The following GALNT6 variants were observed in gnomAD, a reference collection of about 807,000 sequenced individuals.
The protein encoded by GALNT6 is polypeptide N-acetylgalactosaminyltransferase 6, also known as GalNAc transferase 6.
In GALNT6, 51 loss-of-function variants were observed where a neutral mutation model predicts 65.9. The ratio of observed to expected loss-of-function variants is 0.77; its 90% CI spans 0.62 to 0.98. The LOEUF (loss-of-function observed/expected upper bound fraction) is 0.98. Ranked by LOEUF, GALNT6 falls within the 50% of genes least tolerant of loss-of-function variation. The pLI, the probability that GALNT6 is intolerant of heterozygous loss-of-function variation, is 0.00. For synonymous variants in GALNT6, 323 were observed against 315.1 expected (o/e 1.02, Z -0.26); for missense variants, 708 against 803.3 (o/e 0.88, Z 1.43).
intron 11 of GALNT6, 27 bp downstream of exon 11, chr12:51,355,779 T>A: frequency 6.2e-7 from 1 of 1,608,020 alleles, no homozygotes; most frequent in Non-Finnish European, 8.5e-7. Flanking sequence ...AAGTTCTTGA[T>A]TCTGAGCTTT....
intron 4 of GALNT6, among the ~76,000 whole-genome samples, chr12:51,373,623 A>C (rs986148028): frequency 7.9e-5 from 12 of 152,228 alleles, no homozygotes; most frequent in African/African-American, 2.4e-4. Context: ...GATGGGTAGC[A>C]TAGGGTTAGG....
intron 10 of GALNT6, among the ~76,000 whole-genome samples, chr12:51,357,112 C>G (rs1427479208): frequency 6.6e-6 from 1 of 152,210 alleles, no homozygotes; most frequent in Non-Finnish European, 1.5e-5. Context: ...CCTCAAGCCT[C>G]CTCTGATGAA....
At chr12:51,388,625 G>A (rs1019604645) in intron 2 of GALNT6, among the ~76,000 whole-genome samples, 1 of 151,970 alleles carries the variant, frequency 6.6e-6, no homozygotes, top group Non-Finnish European at 1.5e-5. Flanking sequence ...CCTTACGTGG[G>A]ATTTCCCCAC....
intron 4 of GALNT6, among the ~76,000 whole-genome samples, chr12:51,367,397 T>C (rs2137628718): frequency 6.6e-6 from 1 of 152,354 alleles, no homozygotes; most frequent in African/African-American, 2.4e-5. Flanking sequence ...ATCATGCCAC[T>C]GCACTCCAAC....
chr12:51,361,527 T>C (rs1313743831), intron 6 of GALNT6, among the ~76,000 whole-genome samples: 1 of 152,188 alleles, frequency 6.6e-6, no homozygotes, highest in Admixed American at 6.5e-5. Flanking sequence ...GAGATCAAGC[T>C]CAATTTGGGC....
In GALNT6 at chr12:51,353,554, G is replaced by C. The variant is rs1946666448; in HGVS notation, c.*825C>G. The C allele has an allele frequency of 6.6e-6, 1 of 151,984 alleles. No homozygotes were observed. The highest frequency in any genetic ancestry group is 2.4e-5 in the African/African-American group (1 of 41,356). 9.4% of individuals were successfully genotyped at this position (151,984 alleles called of 1,614,324 possible). A position where few individuals can be genotyped will look rare whatever the true frequency, so the allele number is the denominator to read the frequency against. The stretch of plus-strand genomic sequence containing the variant: ...CCAGCTAATTTTTGTACTTTTAGTA[G>C]AGATGGAGTTTCACCATGTAGTCCA... On this transcript the variant is annotated 3_prime_UTR_variant, in exon 12 of 12. Transcript: ENST00000356317.
chr12:51,379,659 C>A lies in GALNT6; in HGVS notation c.123G>T (p.Pro41=). 6.2e-7 allele frequency: 1 copy of A among 1,614,180 alleles called. No individual in the cohort carries two copies. Among genetic ancestry groups the A allele is most frequent in the Non-Finnish European group, 8.5e-7 (1 of 1,180,018 alleles). Residue 41 remains proline, a synonymous_variant, in exon 3 of 12, where the codon CCG becomes CCT. Transcript: ENST00000356317. ...TCCGGCTCACCAGGGACTTCAGCCA[C>A]GGCTTCTCTGTGGCCTCCTCTCTGC... ...VSSREEATEK[P]WLKSLVSRKD... is the part of the protein sequence containing the mutation.
In GALNT6 at chr12:51,361,684, C is replaced by T. The variant is rs538659473; in HGVS notation, c.1050-846G>A. ...TGCTTCGAAGAGGGACTGGGCTAAG[C>T]GTTAGGGTATCGAAGCGGACCCGGG... On this transcript the variant is annotated intron_variant, in intron 6 of 11. Coordinates refer to ENST00000356317, the MANE Select transcript of GALNT6 (RefSeq NM_007210.4). Among the ~76,000 whole-genome samples, 13 of 152,250 alleles carry T rather than the reference C, an allele frequency of 8.5e-5. No individual in the cohort carries two copies. The South Asian group carries it at 2.3e-3, about 27-fold the overall frequency.
chr12:51,389,383 G>C (rs1947943546), intron 2 of GALNT6, among the ~76,000 whole-genome samples: 1 of 152,224 alleles, frequency 6.6e-6, no homozygotes, highest in Non-Finnish European at 1.5e-5. Flanking sequence ...GGAAACTGAA[G>C]CACAGGGAGG....
In GALNT6 at chr12:51,379,777, C is replaced by A; in HGVS notation, c.5G>T (p.Arg2Met). The A allele has an allele frequency of 6.2e-7, 1 of 1,602,824 alleles. No homozygotes were observed. The change falls in exon 3 of 12, where the codon AGG becomes ATG. Residue 2 changes from arginine to methionine, a missense_variant. By Grantham distance (91) the Arg-to-Met change is moderately conservative (BLOSUM62 -1). Coordinates refer to ENST00000356317, the MANE Select transcript of GALNT6 (RefSeq NM_007210.4). The stretch of plus-strand genomic sequence containing the variant: ...GGGCATGTGGCGTCTGCGGAGGAGC[C>A]TCATCCTCCAGAACCAAGGGGCACC... M[R>M]LLRRRHMPLR...
At position 51,360,780 on chromosome 12, in the gene GALNT6, C is replaced by T. The variant is rs773414768; in HGVS notation, c.1108G>A (p.Gly370Ser). The T allele has an allele frequency of 2.7e-5, 43 of 1,613,722 alleles. No individual in the cohort carries two copies. The highest frequency in any genetic ancestry group is 1.6e-4 in the Middle Eastern group (1 of 6,084). The change falls in exon 7 of 12, where the codon GGT (glycine) becomes AGT (serine). Residue 370 changes from glycine (G) to serine (S), a missense_variant. Coordinates refer to ENST00000356317, the MANE Select transcript of GALNT6 (RefSeq NM_007210.4). ...ATCTCCATCTGATTATCATAGGTAC[C>T]GATGTGCTCAAAGTAGGACTTGGAG... The part of the protein sequence containing the change: ...SISKSYFEHI[G>S]TYDNQMEIWG...
intron 8 of GALNT6, 149 bp from the exon 9 acceptor site, chr12:51,358,410 C>T (rs1946816393): frequency 3.7e-6 from 3 of 817,676 alleles, no homozygotes; most frequent in East Asian, 2.6e-5. Context: ...AAGCGATTCA[C>T]CTGCCTCAGC....
At position 51,365,502 on chromosome 12, in the gene GALNT6, C is replaced by A; in HGVS notation, c.742G>T (p.Gly248Trp). 6.2e-7 allele frequency: 1 copy of A among 1,612,546 alleles called. No homozygotes were observed. The highest frequency in any genetic ancestry group is 8.5e-7 in the Non-Finnish European group (1 of 1,179,998). The change falls in exon 5 of 12, where the codon GGG (glycine) becomes TGG (tryptophan). Residue 248 changes from glycine to tryptophan, a missense_variant. Physicochemically the swap from Gly to Trp is radical, Grantham distance 184. Transcript: ENST00000356317. ...CCCAGCAGCCGGGCGGTGATCAGCCCCTTCCGCTCCTCCTGCCGCACCACC... is the reference window on the plus strand; with the variant it reads ...CCCAGCAGCCGGGCGGTGATCAGCCACTTCCGCTCCTCCTGCCGCACCACC... ...VRVVRQEERKGLITARLLGAS... is the reference protein window; with the variant it reads ...VRVVRQEERKWLITARLLGAS...
chr12:51,376,835 G>A (rs1947472092), intron 4 of GALNT6, among the ~76,000 whole-genome samples: 1 of 152,148 alleles, frequency 6.6e-6, no homozygotes, highest in African/African-American at 2.4e-5. Context: ...AAAAAGGGCT[G>A]GTTGGGGAGT....
rs1390216754 is a variant in GALNT6 at position 51,354,865 on chromosome 12, C to T, written c.1756-373G>A. On this transcript the variant is annotated intron_variant, in intron 11 of 11. Transcript: ENST00000356317. ...TTTAGACTGCTCCCTTCCCTGCAGC[C>T]TCCAGGTTAGGTTCCTCTTTCCTAA... Among the ~76,000 whole-genome samples, 4 of 152,186 alleles carry T rather than the reference C, an allele frequency of 2.6e-5. No homozygotes were observed. The East Asian group carries it at 7.7e-4, about 29-fold the overall frequency.
chr12:51,354,636 C>A, intron 11 of GALNT6, 144 bp from the exon 12 acceptor site: 1 of 596,538 alleles, frequency 1.7e-6, no homozygotes, highest in Non-Finnish European at 2.9e-6. Context: ...CCTTTCCTGC[C>A]CTCTCATGAG....
chr12:51,368,128 C>CTT (rs1211789662), intron 4 of GALNT6, among the ~76,000 whole-genome samples: 1 of 146,598 alleles, frequency 6.8e-6, no homozygotes, highest in South Asian at 2.2e-4. Flanking sequence ...AGGCCACGGA[C>CTT]TTTTTTTTTT....
intron 7 of GALNT6, chr12:51,360,102 A>ATGGCATGGAGATTTGTGTAGG: frequency 6.6e-6 from 1 of 152,378 alleles, no homozygotes; most frequent in Admixed American, 6.5e-5. Flanking sequence ...TTACTTTTCC[A>ATGGCATGGAGATTTGTGTAGG]TGGCATGGAG....
Position 51,379,873 on chromosome 12 carries a change from TG to T in GALNT6, c.-93del. 7.7e-7 allele frequency: 1 copy of T among 1,306,400 alleles called. No individual in the cohort carries two copies. Among genetic ancestry groups the T allele is most frequent in the Non-Finnish European group, 1.0e-6 (1 of 971,078 alleles). The allele number at this position is 1,306,400 out of a possible 1,614,324, so 80.9% of individuals were successfully genotyped here. A position where few individuals can be genotyped will look rare whatever the true frequency, so the allele number is the denominator to read the frequency against. On this transcript the variant is annotated 5_prime_UTR_variant, in exon 3 of 12. It introduces an in-frame stop codon into an upstream open reading frame of the 5' UTR. Coordinates refer to ENST00000356317, the MANE Select transcript of GALNT6 (RefSeq NM_007210.4). ...TTGATACGTTGTGGTGGCCACAAGC[TG>T]GGGCCTCAGCCTGAGAAAGGAGGGG...
Sources: allele counts gnomAD v4.1 joint callset (sites outside exome capture counted in the v4.1 genomes callset), GRCh38; gene constraint gnomAD v4.1.1; transcripts MANE v1.5; gene names NCBI Gene and HGNC (gene_info 2026-07-23, HGNC 2026-07-21).